Variants in EML5 observed in about 807,000 individuals in gnomAD.
The protein encoded by EML5 is echinoderm microtubule-associated protein-like 5.
A neutral mutation model predicts 250.0 loss-of-function variants in EML5; 120 were observed. The observed-to-expected ratio is 0.48, with a 90% confidence interval of 0.41 to 0.56. The LOEUF (loss-of-function observed/expected upper bound fraction) is 0.56. EML5 is among the 20% of genes least tolerant of loss of function. EML5 has a pLI of 0.00. For synonymous variants in EML5, 771 were observed against 806.5 expected (o/e 0.96, Z 0.75); for missense variants, 2,006 against 2,437.6 (o/e 0.82, Z 3.73).
intron 32 of EML5, among the ~76,000 whole-genome samples, chr14:88,637,546 T>C (rs2090810198): frequency 6.6e-6 from 1 of 152,188 alleles, no homozygotes; most frequent in African/African-American, 2.4e-5. Context: ...AGAATTCTAT[T>C]TGCAGAACGT....
intron 31 of EML5, among the ~76,000 whole-genome samples, chr14:88,641,238 C>T (rs1275049165): frequency 2.6e-5 from 4 of 151,844 alleles, no homozygotes; most frequent in African/African-American, 7.3e-5. Context: ...GAGGAGTGGG[C>T]ACTCCTCTCT....
At chr14:88,656,406 G>T (rs997071704) in intron 27 of EML5, among the ~76,000 whole-genome samples, 6 of 152,156 alleles carry the variant, frequency 3.9e-5, no homozygotes, top group Admixed American at 6.5e-5. Flanking sequence ...TCATAAGTGG[G>T]AGTTGAACAA....
chr14:88,618,767 G>A lies in EML5; in HGVS notation c.5421C>T (p.Asn1807=). The A allele has an allele frequency of 6.2e-7, 1 of 1,600,840 alleles. No individual in the cohort carries two copies. Among genetic ancestry groups the A allele is most frequent in the Non-Finnish European group, 8.5e-7 (1 of 1,172,588 alleles). The change falls in exon 40 of 44, where the codon AAC becomes AAT. Residue 1807 remains asparagine (N), a synonymous_variant. Coordinates refer to ENST00000554922, the MANE Select transcript of EML5 (RefSeq NM_183387.3). The part of the protein sequence containing the change: ...SRYLAVGSSE[N]SVDFYDLTLG... ...GCGTTAGGTCATAAAAATCCACTGAGTTCTCACTAGAACCTACTGCCAGAT... is the reference window on the plus strand; with the variant it reads ...GCGTTAGGTCATAAAAATCCACTGAATTCTCACTAGAACCTACTGCCAGAT...
intron 4 of EML5, among the ~76,000 whole-genome samples, chr14:88,743,222 T>A (rs2093950676): frequency 6.6e-6 from 1 of 151,942 alleles, no homozygotes; most frequent in African/African-American, 2.4e-5. Flanking sequence ...GTAGAATGAG[T>A]ATAGGTAATA....
At chr14:88,725,106 T>A (rs1004879905) in intron 8 of EML5, among the ~76,000 whole-genome samples, 3 of 152,172 alleles carry the variant, frequency 2.0e-5, no homozygotes, top group Admixed American at 2.0e-4. Context: ...AATTATGTCT[T>A]TCATAGAGAC....
chr14:88,615,639 C>T lies in EML5; in HGVS notation c.*179G>A. On this transcript the variant is annotated 3_prime_UTR_variant, in exon 44 of 44. Transcript: ENST00000554922. ...GGCAGTGTATGGATTACGGATTATACCCAGTGCATATAGCAAATATTTTGA... is the reference window on the plus strand; with the variant it reads ...GGCAGTGTATGGATTACGGATTATATCCAGTGCATATAGCAAATATTTTGA... 1.7e-6 allele frequency: 1 copy of T among 592,488 alleles called. No homozygotes were observed. Among genetic ancestry groups the T allele is most frequent in the Non-Finnish European group, 2.9e-6 (1 of 340,256 alleles). 36.7% of individuals were successfully genotyped at this position (592,488 alleles called of 1,614,324 possible).
At chr14:88,764,221 T>C (rs895673233) in intron 1 of EML5, among the ~76,000 whole-genome samples, 1 of 152,214 alleles carries the variant, frequency 6.6e-6, no homozygotes, top group Non-Finnish European at 1.5e-5. Context: ...TTTCTTCAAA[T>C]GTTTGTCTGG....
chr14:88,704,384 G>A (rs1040078201), intron 13 of EML5, among the ~76,000 whole-genome samples: 1 of 152,146 alleles, frequency 6.6e-6, no homozygotes, highest in African/African-American at 2.4e-5. Flanking sequence ...TGCTTGTACA[G>A]CCTGCAGAAC....
chr14:88,656,535 G>A (rs987011538), intron 27 of EML5, among the ~76,000 whole-genome samples: 11 of 152,252 alleles, frequency 7.2e-5, no homozygotes, highest in African/African-American at 2.4e-4. Context: ...GCTGATGGAT[G>A]CAGCAAACCA....
chr14:88,635,980 T>A (rs1158648690), intron 32 of EML5, among the ~76,000 whole-genome samples: 3 of 152,194 alleles, frequency 2.0e-5, no homozygotes, highest in Non-Finnish European at 4.4e-5. Flanking sequence ...ACTTCCAACC[T>A]CCAGAGCTGT....
In EML5 at chr14:88,618,713, GTAGCTGATTC is replaced by G. The variant is rs2088228603; in HGVS notation, c.5465_5474del (p.Arg1822ThrfsTer59). The G allele has an allele frequency of 6.2e-7, 1 of 1,611,216 alleles. No individual in the cohort carries two copies. ...TGACAAAGCTTGGAATGTCTTTGCA[GTAGCTGATTC>G]TGTTAAGAGTGGGGCCCAGCGTTAG... is the stretch of plus-strand genomic sequence containing the variant. On this transcript the variant is annotated frameshift_variant, in exon 40 of 44. Transcript: ENST00000554922. LOFTEE classifies it high-confidence loss of function.
At chr14:88,637,474 CAG>C (rs761994250) in intron 32 of EML5, among the ~76,000 whole-genome samples, 1 of 152,000 alleles carries the variant, frequency 6.6e-6, no homozygotes, top group African/African-American at 2.4e-5. Context: ...AGTTGCCTAA[CAG>C]AGGGAGAGCA....
chr14:88,709,222 A>G (rs1241185050), intron 10 of EML5, among the ~76,000 whole-genome samples: 1 of 152,082 alleles, frequency 6.6e-6, no homozygotes, highest in Admixed American at 6.5e-5. Flanking sequence ...ATACAAAACT[A>G]CACTACCTAT....
At chr14:88,784,944 G>C (rs999691256) in intron 1 of EML5, among the ~76,000 whole-genome samples, 3 of 152,300 alleles carry the variant, frequency 2.0e-5, no homozygotes, top group South Asian at 2.1e-4. Flanking sequence ...AGCAACCTAA[G>C]AGTCTATCAA....
Position 88,696,793 on chromosome 14 carries a change from TA to T in EML5, c.2344+53del. ...GTAACACTGACTTAGATTAAAATGC[TA>T]TGTGTTGCCTCTGCATTTTGTTAAT... On this transcript the variant is annotated intron_variant, in intron 15 of 43. Transcript: ENST00000554922. 3 of 1,259,066 alleles carry T rather than the reference TA, an allele frequency of 2.4e-6. No homozygotes were observed. The East Asian group carries it at 7.1e-5, about 30-fold the overall frequency. 78.0% of individuals were successfully genotyped at this position (1,259,066 alleles called of 1,614,324 possible). A position where few individuals can be genotyped will look rare whatever the true frequency, so the allele number is the denominator to read the frequency against.
At position 88,615,724 on chromosome 14, in the gene EML5, G is replaced by A; in HGVS notation, c.*94C>T. 2 of 1,198,814 alleles carry A rather than the reference G, an allele frequency of 1.7e-6. No homozygotes were observed. Among genetic ancestry groups the A allele is most frequent in the Non-Finnish European group, 1.2e-6 (1 of 839,576 alleles). The allele number at this position is 1,198,814 out of a possible 1,614,324, so 74.3% of individuals were successfully genotyped here. ...GCATTTCTCCCTGTTACAGTCTTGG[G>A]TTAGCACCACTTGACCATGCAGGGT... is the stretch of plus-strand genomic sequence containing the variant. On this transcript the variant is annotated 3_prime_UTR_variant, in exon 44 of 44. Coordinates refer to ENST00000554922, the MANE Select transcript of EML5 (RefSeq NM_183387.3).
chr14:88,787,901 T>C (rs758692532), intron 1 of EML5, among the ~76,000 whole-genome samples: 4 of 152,072 alleles, frequency 2.6e-5, no homozygotes, highest in Non-Finnish European at 5.9e-5. Context: ...ACGGCTTGTG[T>C]TAAGAATTCT....
chr14:88,709,444 G>A (rs968437422), intron 10 of EML5, among the ~76,000 whole-genome samples: 19 of 152,022 alleles, frequency 1.2e-4, no homozygotes, highest in African/African-American at 4.4e-4. Flanking sequence ...AAAGAGATAT[G>A]AACCCATGTT....
intron 8 of EML5, 27 bp from the exon 9 acceptor site, chr14:88,715,222 C>G (rs373155953): frequency 5.8e-6 from 9 of 1,546,290 alleles, no homozygotes; most frequent in African/African-American, 2.7e-5. Context: ...AATGAGACTA[C>G]ATGAACAGAA....
Sources: allele counts gnomAD v4.1 joint callset (sites outside exome capture counted in the v4.1 genomes callset), GRCh38; gene constraint gnomAD v4.1.1; transcripts MANE v1.5; gene names NCBI Gene and HGNC (gene_info 2026-07-23, HGNC 2026-07-21).